Variants in CSF2RB observed in about 807,000 individuals in gnomAD.
CSF2RB encodes cytokine receptor common subunit beta.
In CSF2RB, 22 loss-of-function variants were observed where a neutral mutation model predicts 67.2. That is an observed-to-expected ratio of 0.33 (90% CI 0.23 to 0.47). The LOEUF (loss-of-function observed/expected upper bound fraction) is 0.47, where lower values mean the gene tolerates loss of function less well. Among genes scored for constraint, CSF2RB ranks in the 20% least tolerant of loss-of-function variants. CSF2RB has a pLI of 1.00. For synonymous variants in CSF2RB, 507 were observed against 482.9 expected, an observed-to-expected ratio of 1.05 and a Z score of -0.65; for missense variants, 1,113 against 1,174.5, an observed-to-expected ratio of 0.95 and a Z score of 0.76.
intron 8 of CSF2RB, among the ~76,000 whole-genome samples, chr22:36,931,186 C>T (rs1361427459): frequency 6.6e-6 from 1 of 152,196 alleles, no homozygotes; most frequent in African/African-American, 2.4e-5. Flanking sequence ...AATTCCCCAC[C>T]GACTGATATT....
At position 36,938,951 on chromosome 22, in the gene CSF2RB, G is replaced by T; in HGVS notation, c.*449G>T. 5.0e-6 allele frequency: 3 copies of T among 599,780 alleles called. No individual in the cohort carries two copies. The highest frequency in any genetic ancestry group is 6.0e-6 in the Non-Finnish European group (2 of 335,620). The allele number at this position is 599,780 out of a possible 1,614,324, so 37.2% of individuals were successfully genotyped here. A position where few individuals can be genotyped will look rare whatever the true frequency, so the allele number is the denominator to read the frequency against. On this transcript the variant is annotated 3_prime_UTR_variant, in exon 14 of 14. Coordinates refer to ENST00000403662, the MANE Select transcript of CSF2RB (RefSeq NM_000395.3). The stretch of plus-strand genomic sequence containing the variant: ...GGACTTGTGTGGGCTGCCTGTCCCC[G>T]GCAGTCGCTGATGCACATGACATGA...
intron 1 of CSF2RB, among the ~76,000 whole-genome samples, chr22:36,919,433 G>A (rs932177953): frequency 1.3e-5 from 2 of 151,896 alleles, no homozygotes; most frequent in African/African-American, 4.8e-5. Context: ...GTTTTTTTGA[G>A]ACAGAGTCTC....
chr22:36,925,721 C>T (rs137872890), intron 3 of CSF2RB, among the ~76,000 whole-genome samples: 121 of 152,298 alleles, frequency 7.9e-4, no homozygotes, highest in Admixed American at 1.8e-3. Flanking sequence ...CAAATTGCCT[C>T]CCTGGCCCAG....
intron 3 of CSF2RB, among the ~76,000 whole-genome samples, chr22:36,924,409 A>G (rs1940960842): frequency 6.6e-6 from 1 of 151,882 alleles, no homozygotes; most frequent in African/African-American, 2.4e-5. Flanking sequence ...GCCACCCACC[A>G]TGCCCTCTCC....
chr22:36,933,731 C>A (rs1941208749), intron 9 of CSF2RB, 101 bp from the exon 10 acceptor site: 1 of 1,464,154 alleles, frequency 6.8e-7, no homozygotes, highest in Non-Finnish European at 9.2e-7. Context: ...TGGGGTATGG[C>A]AGGAGCTAGG....
At chr22:36,930,247 A>C (rs1941118996) in intron 6 of CSF2RB, 128 bp from the exon 7 acceptor site, 4 of 1,348,058 alleles carry the variant, frequency 3.0e-6, no homozygotes, top group East Asian at 4.6e-5. Context: ...GTTCAGGCTG[A>C]AGTTTCAGCC....
At chr22:36,935,574 T>A in intron 11 of CSF2RB, 56 bp from the exon 12 acceptor site, 1 of 1,612,266 alleles carries the variant, frequency 6.2e-7, no homozygotes, top group South Asian at 1.1e-5. Flanking sequence ...GGCATGAGCA[T>A]GGGAGCAGCT....
intron 4 of CSF2RB, among the ~76,000 whole-genome samples, chr22:36,928,782 G>A (rs551813021): frequency 6.6e-6 from 1 of 152,186 alleles, no homozygotes; most frequent in African/African-American, 2.4e-5. Context: ...AGGTAGGGAA[G>A]GGGGTCAGGA....
At chr22:36,936,695 C>CG (rs751546605) in intron 13 of CSF2RB, 43 bp downstream of exon 13, 1 of 1,525,448 alleles carries the variant, frequency 6.6e-7, no homozygotes, top group Non-Finnish European at 9.0e-7. Context: ...GGGGTTCATA[C>CG]GGGGGGCTGA....
chr22:36,934,124 A>G, intron 10 of CSF2RB, 130 bp downstream of exon 10: 2 of 1,264,768 alleles, frequency 1.6e-6, no homozygotes. Flanking sequence ...CCCCGATTAG[A>G]TGGTGGCCAA....
intron 1 of CSF2RB, among the ~76,000 whole-genome samples, chr22:36,917,871 C>T (rs980899445): frequency 3.3e-5 from 5 of 151,804 alleles, no homozygotes; most frequent in African/African-American, 1.2e-4. Context: ...TGCAGTGAGC[C>T]GAGATCATGC....
intron 8 of CSF2RB, 48 bp downstream of exon 8, chr22:36,930,878 C>T (rs770515128): frequency 8.1e-6 from 13 of 1,605,102 alleles, no homozygotes; most frequent in African/African-American, 1.3e-5. Flanking sequence ...GACCAGCACA[C>T]CCTCATTGTG....
rs539144384 is a variant in CSF2RB, at chr22:36,924,710, C to T, written c.201-1277C>T. ...GAGCAGGATCTCATGGTTGGGCCTC[C>T]GCCTTCTTCCTACTTGACCAGGGGC... On this transcript the variant is annotated intron_variant, in intron 3 of 13. Transcript: ENST00000403662. 7.2e-5 allele frequency among the ~76,000 whole-genome samples: 11 copies of T among 152,290 alleles called. No homozygotes were observed. The South Asian group carries it at 8.3e-4, about 11-fold the overall frequency.
intron 4 of CSF2RB, among the ~76,000 whole-genome samples, chr22:36,928,667 G>T (rs1941077805): frequency 6.6e-6 from 1 of 152,206 alleles, no homozygotes; most frequent in Admixed American, 6.5e-5. Context: ...CCTTGTGGCT[G>T]CAAGGATTTC....
In CSF2RB at chr22:36,937,824, A is replaced by AT; in HGVS notation, c.2016_2017insT (p.Gly673TrpfsTer31). ...GGAGTCCCTCCCTGGAGTCCGGGGG[A>AT]GGCCCTGCCCCTCCTGCTCTTGGGC... is the stretch of plus-strand genomic sequence containing the variant. On this transcript the variant is annotated frameshift_variant, in exon 14 of 14. Coordinates refer to ENST00000403662, the MANE Select transcript of CSF2RB (RefSeq NM_000395.3). LOFTEE classifies it low-confidence loss of function (END_TRUNC). The surrounding 1 kb of genome is among the most constrained non-coding windows in gnomAD (Gnocchi z 4.6). 1 of 1,606,750 alleles carries AT rather than the reference A, an allele frequency of 6.2e-7. No individual in the cohort carries two copies. Among genetic ancestry groups the AT allele is most frequent in the Non-Finnish European group, 8.5e-7 (1 of 1,177,090 alleles).
rs372282099 is a variant in CSF2RB at position 36,927,970 on chromosome 22, C to A, written c.392-1432C>A. 9.8e-5 allele frequency among the ~76,000 whole-genome samples: 15 copies of A among 152,334 alleles called. No homozygotes were observed. The South Asian group carries it at 1.4e-3, about 15-fold the overall frequency. On this transcript the variant is annotated intron_variant, in intron 4 of 13. Transcript: ENST00000403662. ...ACGAAGCAGTCAACAAACCAGCCAG[C>A]AACCCTGCCCTTGGAGCTTACAGCC... is the stretch of plus-strand genomic sequence containing the variant.
chr22:36,928,265 T>A (rs754335049), intron 4 of CSF2RB, among the ~76,000 whole-genome samples: 55 of 152,124 alleles, frequency 3.6e-4, no homozygotes, highest in Admixed American at 2.8e-3. Flanking sequence ...TCAAGAGGTT[T>A]CTCTTGAGTT....
chr22:36,929,936 G>A, intron 6 of CSF2RB, 129 bp downstream of exon 6: 1 of 1,251,402 alleles, frequency 8.0e-7, no homozygotes, highest in Non-Finnish European at 1.1e-6. Flanking sequence ...CTTTCCAGTA[G>A]CGTCCCTGGG....
rs1940919121 is a variant in CSF2RB at position 36,923,142 on chromosome 22, G to C, written c.77-102G>C. 13 of 1,580,158 alleles carry C rather than the reference G, an allele frequency of 8.2e-6. No individual in the cohort carries two copies. In the South Asian group the frequency reaches 1.3e-4, roughly 16 times the overall value. On this transcript the variant is annotated intron_variant, in intron 2 of 13. Coordinates refer to ENST00000403662, the MANE Select transcript of CSF2RB (RefSeq NM_000395.3). ...ACCTGGTGCCTCTGCAGGGACCTGG[G>C]AGACCCCTCCCCAGAGCGGGACATC... is the stretch of plus-strand genomic sequence containing the variant.
Sources: gnomAD v4.1 joint callset for allele counts (sites outside exome capture counted in the v4.1 genomes callset) on GRCh38, gnomAD v4.1.1 for gene constraint, Gnocchi (gnomAD v3.1) non-coding constraint, MANE v1.5 for transcripts, NCBI Gene and HGNC (gene_info 2026-07-23, HGNC 2026-07-21) for gene names.